The following DCDC1 variants were observed in gnomAD, a reference collection of about 807,000 sequenced individuals.
DCDC1 encodes the protein doublecortin domain containing 1.
DCDC1 carries 200 observed loss-of-function variants against 178.3 expected under a neutral mutation model. That is an observed-to-expected ratio of 1.12 (90% CI 1.00 to 1.26). DCDC1 has a LOEUF of 1.26. Ranked by LOEUF, DCDC1 falls within the 50% of genes most tolerant of loss-of-function variation. The pLI is 0.00. For missense variants in DCDC1, 1,983 were observed against 1,749.2 expected, an observed-to-expected ratio of 1.13 and a Z score of -2.38; for synonymous variants, 690 against 604.8, an observed-to-expected ratio of 1.14 and a Z score of -2.07.
Position 31,040,343 on chromosome 11 carries a change from A to G in DCDC1, c.2591+24126T>C, listed in dbSNP as rs530779258. On this transcript the variant is annotated intron_variant, in intron 20 of 38. Coordinates refer to ENST00000684477, the MANE Select transcript of DCDC1 (RefSeq NM_001387274.1). Reference sequence around the variant, plus strand: ...TGGATCTCAGACTTTCCTATGCACTATCTGGAGGATGCATACAGATTGTTG... The same window carrying G: ...TGGATCTCAGACTTTCCTATGCACTGTCTGGAGGATGCATACAGATTGTTG... 5.9e-5 allele frequency among the ~76,000 whole-genome samples: 9 copies of G among 152,286 alleles called. No individual in the cohort carries two copies. In the East Asian group the frequency reaches 9.6e-4, roughly 16 times the overall value.
At chr11:30,949,648 A>C (rs544580040) in intron 21 of DCDC1, among the ~76,000 whole-genome samples, 1 of 152,352 alleles carries the variant, frequency 6.6e-6, no homozygotes, top group East Asian at 1.9e-4. Flanking sequence ...AATGTGGCAC[A>C]TATACACCAT....
At chr11:31,245,727 C>T (rs776342429) in intron 8 of DCDC1, among the ~76,000 whole-genome samples, 17 of 151,642 alleles carry the variant, frequency 1.1e-4, no homozygotes, top group African/African-American at 3.9e-4. Flanking sequence ...GGAAAAGGCA[C>T]ATAATAAAAT....
intron 11 of DCDC1, among the ~76,000 whole-genome samples, chr11:31,121,471 C>T (rs1960794292): frequency 6.8e-6 from 1 of 147,702 alleles, no homozygotes. Flanking sequence ...CACATGATTG[C>T]AAAAATGGGA....
intron 7 of DCDC1, among the ~76,000 whole-genome samples, chr11:31,277,002 T>C (rs1013487565): frequency 1.3e-5 from 2 of 152,200 alleles, no homozygotes; most frequent in African/African-American, 4.8e-5. Context: ...GTACATGAAA[T>C]AAACTGTACC....
intron 9 of DCDC1, among the ~76,000 whole-genome samples, chr11:31,174,163 G>A (rs913657937): frequency 4.6e-5 from 7 of 151,936 alleles, no homozygotes; most frequent in African/African-American, 7.3e-5. Context: ...AACTGCAGCC[G>A]CCCAGCTGCA....
At chr11:30,868,632 T>C (rs561438095) in intron 38 of DCDC1, among the ~76,000 whole-genome samples, 2 of 152,198 alleles carry the variant, frequency 1.3e-5, no homozygotes, top group Admixed American at 1.3e-4. Context: ...TCATGGCAGT[T>C]TCAGAGTAGA....
intron 25 of DCDC1, 77 bp from the exon 26 acceptor site, chr11:30,917,105 T>C (rs1419679905): frequency 2.9e-6 from 4 of 1,386,474 alleles, no homozygotes; most frequent in Non-Finnish European, 3.8e-6. Context: ...AGGTGTAGTC[T>C]GATCATATTC....
intron 7 of DCDC1, among the ~76,000 whole-genome samples, chr11:31,266,456 T>C (rs1460681385): frequency 2.6e-5 from 4 of 152,196 alleles, no homozygotes; most frequent in Non-Finnish European, 4.4e-5. Context: ...AGGTTGTTAA[T>C]AGGTTTTCAG....
intron 9 of DCDC1, among the ~76,000 whole-genome samples, chr11:31,190,632 T>C (rs1970026654): frequency 6.6e-6 from 1 of 152,140 alleles, no homozygotes; most frequent in Admixed American, 6.6e-5. Context: ...AAATTTACCC[T>C]GATTTACAAT....
chr11:30,948,244 C>T (rs959415240), intron 21 of DCDC1, among the ~76,000 whole-genome samples: 38 of 152,188 alleles, frequency 2.5e-4, no homozygotes, highest in African/African-American at 8.7e-4. Flanking sequence ...TGCGTGAACT[C>T]CCATTCATAA....
intron 9 of DCDC1, among the ~76,000 whole-genome samples, chr11:31,194,840 G>A (rs990777871): frequency 1.3e-5 from 2 of 152,024 alleles, no homozygotes; most frequent in African/African-American, 4.8e-5. Context: ...TAAAGCTTTT[G>A]ATAAATGTTC....
In DCDC1 at chr11:30,880,640, T is replaced by C. The variant is rs540638510; in HGVS notation, c.5233+518A>G. Among the ~76,000 whole-genome samples the C allele has an allele frequency of 1.5e-4, 23 of 152,246 alleles. No homozygotes were observed. The South Asian group carries it at 4.1e-3, about 27-fold the overall frequency. ...AATACTGGCTTTAACTTCATCAGGA[T>C]ATATAGGATAAAGAACTAGAGTTCA... On this transcript the variant is annotated intron_variant, in intron 37 of 38. Transcript: ENST00000684477.
At chr11:30,957,281 T>C (rs969796838) in intron 20 of DCDC1, among the ~76,000 whole-genome samples, 3 of 152,190 alleles carry the variant, frequency 2.0e-5, no homozygotes, top group Non-Finnish European at 4.4e-5. Flanking sequence ...CCATGACTAG[T>C]TATTGCCTTA....
At chr11:30,947,074 T>C (rs1948098182) in intron 21 of DCDC1, among the ~76,000 whole-genome samples, 1 of 152,138 alleles carries the variant, frequency 6.6e-6, no homozygotes, top group Admixed American at 6.5e-5. Context: ...AAATAATCAT[T>C]GAGGATTCAT....
At chr11:31,129,140 G>A (rs1389237147) in intron 10 of DCDC1, among the ~76,000 whole-genome samples, 7 of 149,706 alleles carry the variant, frequency 4.7e-5, no homozygotes, top group Non-Finnish European at 1.0e-4. Flanking sequence ...AGAAGTTAGT[G>A]ACAGCCAGTG....
intron 20 of DCDC1, among the ~76,000 whole-genome samples, chr11:31,004,809 C>T (rs80085333): frequency 0.028 from 4,243 of 152,052 alleles, 175 homozygotes; most frequent in African/African-American, 0.096. Flanking sequence ...GGTTCAGTTT[C>T]CCTATCTATA....
At chr11:31,005,268 C>A (rs945738400) in intron 20 of DCDC1, among the ~76,000 whole-genome samples, 2 of 152,324 alleles carry the variant, frequency 1.3e-5, no homozygotes, top group South Asian at 4.1e-4. Context: ...CCACCAACAA[C>A]AATGGCTGGT....
chr11:31,154,142 G>A (rs758410678), intron 9 of DCDC1, among the ~76,000 whole-genome samples: 3 of 152,190 alleles, frequency 2.0e-5, no homozygotes, highest in Non-Finnish European at 2.9e-5. Context: ...TGTGAAGAAG[G>A]TGCCTGCTTC....
At chr11:31,309,543 A>G (rs775427282) in intron 3 of DCDC1, among the ~76,000 whole-genome samples, 78 of 152,300 alleles carry the variant, frequency 5.1e-4, no homozygotes, top group Admixed American at 2.2e-3. Flanking sequence ...ACCTGGGGGA[A>G]GACCAGTAAA....
Sources: allele counts gnomAD v4.1 joint callset (sites outside exome capture counted in the v4.1 genomes callset), GRCh38; gene constraint gnomAD v4.1.1; transcripts MANE v1.5; gene names NCBI Gene and HGNC (gene_info 2026-07-23, HGNC 2026-07-21).